KEAP1: variants seen among roughly 807,000 people sequenced by gnomAD.
The protein encoded by KEAP1 is kelch like ECH associated protein 1.
KEAP1 carries 26 observed loss-of-function variants against 59.7 expected under a neutral mutation model. The ratio of observed to expected loss-of-function variants is 0.44; its 90% CI spans 0.32 to 0.60. KEAP1 has a LOEUF of 0.60. KEAP1 is among the 20% of genes least tolerant of loss of function. KEAP1 has a pLI of 0.06. For missense variants in KEAP1, 539 were observed against 871.4 expected (o/e 0.62, Z 4.80); for synonymous variants, 350 against 358.3 (o/e 0.98, Z 0.26).
At chr19:10,489,576 G>T (rs1914597013) in intron 4 of KEAP1, 72 bp downstream of exon 4, 2 of 1,542,350 alleles carry the variant, frequency 1.3e-6, no homozygotes, top group South Asian at 1.1e-5. Flanking sequence ...TCTCTCCCAG[G>T]CCTGGCTCAG....
chr19:10,489,592 CCCCAGGATGGTAGGGGGTG>C lies in KEAP1; in HGVS notation c.1531+37_1531+55del, dbSNP rs1365187825. 1.9e-6 allele frequency: 3 copies of C among 1,586,678 alleles called. No homozygotes were observed. In the African/African-American group the frequency reaches 4.0e-5, roughly 21 times the overall value. ...CTCTCCCAGGCCTGGCTCAGTTTCA[CCCCAGGATGGTAGGGGGTG>C]TTCCTGGGTGCTCCCCTCCCTACCG... On this transcript the variant is annotated intron_variant, in intron 4 of 5. Coordinates refer to ENST00000171111, the MANE Select transcript of KEAP1 (RefSeq NM_203500.2).
chr19:10,499,098 G>T lies in KEAP1; in HGVS notation c.639+297C>A, dbSNP rs936350433. Among the ~76,000 whole-genome samples, 1 of 152,144 alleles carries T rather than the reference G, an allele frequency of 6.6e-6. No homozygotes were observed. The highest frequency in any genetic ancestry group is 6.6e-5 in the Admixed American group (1 of 15,266). On this transcript the variant is annotated intron_variant, in intron 2 of 5. Coordinates refer to ENST00000171111, the MANE Select transcript of KEAP1 (RefSeq NM_203500.2). The surrounding 1 kb of genome is among the most constrained non-coding windows in gnomAD (Gnocchi z 6.7). ...GATCCACCTGCCTCGGCCTCCCAAA[G>T]TGTTGGGATTACAGGCATGAGCCAC...
At chr19:10,489,094 T>TTAA in intron 5 of KEAP1, 98 bp downstream of exon 5, 2 of 424,268 alleles carry the variant, frequency 4.7e-6, no homozygotes, top group Non-Finnish European at 3.7e-6. Context: ...ACCTTGTTTC[T>TTAA]AAAAAAAAAA....
chr19:10,503,154 G>A lies in KEAP1; in HGVS notation c.-48+87C>T. ...GGGTGGGGATGGCCGGGGCGCGCAG[G>A]GGCTCCGGGCACAGTGATGCCACCC... On this transcript the variant is annotated intron_variant, in intron 1 of 5. Coordinates refer to ENST00000171111, the MANE Select transcript of KEAP1 (RefSeq NM_203500.2). The surrounding 1 kb of genome is among the most constrained non-coding windows in gnomAD (Gnocchi z 4.3). The A allele has an allele frequency of 6.6e-6, 1 of 152,320 alleles. No individual in the cohort carries two copies. The highest frequency in any genetic ancestry group is 1.9e-4 in the East Asian group (1 of 5,192). The allele number at this position is 152,320 out of a possible 1,614,324, so 9.4% of individuals were successfully genotyped here. A position where few individuals can be genotyped will look rare whatever the true frequency, so the allele number is the denominator to read the frequency against.
rs1458874630 is a variant in KEAP1 at position 10,489,838 on chromosome 19, C to T, written c.1341G>A (p.Arg447=). The change falls in exon 4 of 6, where the codon CGG becomes CGA. Residue 447 remains arginine, a synonymous_variant. Coordinates refer to ENST00000171111, the MANE Select transcript of KEAP1 (RefSeq NM_203500.2). ...HNSVERYEPE[R]DEWHLVAPML... is the part of the protein sequence containing the mutation. ...TTGGGGCCACCAAGTGCCACTCATC[C>T]CGCTCTGGCTCATACCTGCAAGGGC... The T allele has an allele frequency of 6.2e-7, 1 of 1,613,628 alleles. No individual in the cohort carries two copies. The highest frequency in any genetic ancestry group is 1.3e-5 in the African/African-American group (1 of 74,930).
At chr19:10,495,681 G>C (rs1042611512) in intron 2 of KEAP1, among the ~76,000 whole-genome samples, 1 of 151,560 alleles carries the variant, frequency 6.6e-6, no homozygotes, top group Non-Finnish European at 1.5e-5. Flanking sequence ...CTGAGCAACA[G>C]AGTGAGACTC....
In KEAP1 at chr19:10,489,666, T is replaced by C. The variant is rs1280948756; in HGVS notation, c.1513A>G (p.Thr505Ala). The change falls in exon 4 of 6, where the codon ACC becomes GCC. Residue 505 changes from threonine (T) to alanine (A), a missense_variant. Transcript: ENST00000171111. ...CACCCACCTGCCCCGCTTCGGATGG[T>C]GTTCATTGCTGTGATCATTCGCCAC... ...NEWRMITAMNTIRSGAGVCVL... is the reference protein window; with the variant it reads ...NEWRMITAMNAIRSGAGVCVL... The C allele has an allele frequency of 1.2e-6, 2 of 1,613,868 alleles. No individual in the cohort carries two copies. The highest frequency in any genetic ancestry group is 1.7e-5 in the Admixed American group (1 of 59,952).
chr19:10,497,362 C>T (rs1914887191), intron 2 of KEAP1, among the ~76,000 whole-genome samples: 1 of 152,110 alleles, frequency 6.6e-6, no homozygotes, highest in African/African-American at 2.4e-5. Flanking sequence ...AAATAGAGAT[C>T]AGTGTAACAT....
In KEAP1 at chr19:10,486,571, T is replaced by C. The variant is rs2144576479; in HGVS notation, c.*81A>G. ...AAGATGGGTTATTTGCAGTGCTGTC[T>C]TTTCTTTTAGTCCCGGTTTTTGTAC... On this transcript the variant is annotated 3_prime_UTR_variant, in exon 6 of 6. Transcript: ENST00000171111. 7.1e-7 allele frequency: 1 copy of C among 1,411,262 alleles called. No individual in the cohort carries two copies. Among genetic ancestry groups the C allele is most frequent in the Non-Finnish European group, 9.8e-7 (1 of 1,019,724 alleles). 87.4% of individuals were successfully genotyped at this position (1,411,262 alleles called of 1,614,324 possible). A position where few individuals can be genotyped will look rare whatever the true frequency, so the allele number is the denominator to read the frequency against.
intron 2 of KEAP1, among the ~76,000 whole-genome samples, chr19:10,497,826 G>A (rs968761400): frequency 4.6e-5 from 7 of 152,142 alleles, no homozygotes. Flanking sequence ...CCCAAGAGTT[G>A]GAGGCTACAG....
At chr19:10,496,833 G>A (rs1196247068) in intron 2 of KEAP1, among the ~76,000 whole-genome samples, 2 of 151,100 alleles carry the variant, frequency 1.3e-5, no homozygotes, top group Non-Finnish European at 3.0e-5. Flanking sequence ...GGTGGGGGGC[G>A]GGCGTGGGCG....
chr19:10,490,472 GCC>G (rs1321974428), intron 3 of KEAP1: 2 of 150,290 alleles, frequency 1.3e-5, no homozygotes, highest in Admixed American at 1.3e-4. Flanking sequence ...CCACCACCAC[GCC>G]CGGCTAATTT....
intron 5 of KEAP1, among the ~76,000 whole-genome samples, chr19:10,488,585 C>G (rs565813523): frequency 4.8e-4 from 73 of 150,992 alleles, no homozygotes; most frequent in Non-Finnish European, 1.5e-4. Flanking sequence ...GCACTCCAGC[C>G]TGGCAACAGA....
At chr19:10,487,490 C>T (rs1290049396) in intron 5 of KEAP1, among the ~76,000 whole-genome samples, 2 of 151,670 alleles carry the variant, frequency 1.3e-5, no homozygotes, top group Non-Finnish European at 2.9e-5. Flanking sequence ...AACCCTGTAT[C>T]TACTAAAAAT....
In KEAP1 at chr19:10,500,922, C is replaced by T. The variant is rs1426826782; in HGVS notation, c.-47-842G>A. 3.3e-5 allele frequency among the ~76,000 whole-genome samples: 5 copies of T among 152,100 alleles called. No individual in the cohort carries two copies. In the East Asian group the frequency reaches 7.7e-4, roughly 24 times the overall value. On this transcript the variant is annotated intron_variant, in intron 1 of 5. Transcript: ENST00000171111. ...CTCAAACTCCTGACCTCAAGTGAGC[C>T]GCCCGCCTTGGCATCCCGAAGTGCT...
chr19:10,500,242 C>T (rs1044941567), intron 1 of KEAP1, among the ~76,000 whole-genome samples, 162 bp from the exon 2 acceptor site: 3 of 152,218 alleles, frequency 2.0e-5, no homozygotes, highest in Admixed American at 1.3e-4. Flanking sequence ...ACCTGATCAA[C>T]CTGATTGGCC....
rs2144629021 is a variant in KEAP1 at position 10,499,817 on chromosome 19, T to C, written c.217A>G (p.Ser73Gly). 6.2e-7 allele frequency: 1 copy of C among 1,614,048 alleles called. No individual in the cohort carries two copies. The highest frequency in any genetic ancestry group is 8.5e-7 in the Non-Finnish European group (1 of 1,180,026). The part of the protein sequence containing the change: ...AFGIMNELRL[S>G]QQLCDVTLQV... ...AGTGTGACGTCACACAGCTGCTGGC[T>C]GAGCCGCAGCTCGTTCATGATGCCA... Residue 73 changes from serine to glycine, a missense_variant, in exon 2 of 6, where the codon AGC becomes GGC. By Grantham distance (56) the Ser-to-Gly change is moderately conservative. Transcript: ENST00000171111. The surrounding 1 kb of genome is among the most constrained non-coding windows in gnomAD (Gnocchi z 6.7).
intron 1 of KEAP1, 80 bp from the exon 2 acceptor site, chr19:10,500,160 A>G: frequency 9.9e-7 from 1 of 1,013,282 alleles, no homozygotes. Flanking sequence ...TGCAAGATAA[A>G]GCAATTCCTA....
intron 2 of KEAP1, among the ~76,000 whole-genome samples, chr19:10,494,750 G>C (rs1204538290): frequency 2.0e-5 from 3 of 150,998 alleles, no homozygotes; most frequent in African/African-American, 7.3e-5. Context: ...CTGCCATCCA[G>C]GTTCATGCGA....
Sources: gnomAD v4.1 joint callset for allele counts (sites outside exome capture counted in the v4.1 genomes callset) on GRCh38, gnomAD v4.1.1 for gene constraint, Gnocchi (gnomAD v3.1) non-coding constraint, MANE v1.5 for transcripts, NCBI Gene and HGNC (gene_info 2026-07-23, HGNC 2026-07-21) for gene names.